ARL15: variants seen among roughly 807,000 people sequenced by gnomAD.
ARL15 encodes the protein ADP-ribosylation factor-like protein 15.
ARL15 carries 19 observed loss-of-function variants against 25.2 expected under a neutral mutation model. The observed-to-expected ratio is 0.75, with a 90% confidence interval of 0.53 to 1.10. ARL15 has a LOEUF of 1.10. Ranked by LOEUF, ARL15 falls within the 50% of genes least tolerant of loss-of-function variation. The pLI is 0.00. For missense variants in ARL15, 220 were observed against 246.0 expected (o/e 0.89, Z 0.71); for synonymous variants, 94 against 86.8 (o/e 1.08, Z -0.46).
intron 3 of ARL15, among the ~76,000 whole-genome samples, chr5:54,139,613 TA>T (rs1362086003): frequency 2.0e-5 from 3 of 152,116 alleles, no homozygotes; most frequent in Non-Finnish European, 4.4e-5. Context: ...ACTTCACTAG[TA>T]AACAATTCAT....
intron 4 of ARL15, among the ~76,000 whole-genome samples, chr5:53,961,716 T>C (rs1377091817): frequency 6.6e-6 from 1 of 152,076 alleles, no homozygotes; most frequent in East Asian, 1.9e-4. Context: ...AAACATAAAT[T>C]AATTATTCTT....
At chr5:54,231,968 G>T (rs1756684089) in intron 1 of ARL15, among the ~76,000 whole-genome samples, 1 of 152,140 alleles carries the variant, frequency 6.6e-6, no homozygotes, top group South Asian at 2.1e-4. Flanking sequence ...CCAATCTCAA[G>T]TGAAGGCCTG....
At chr5:54,256,475 G>A (rs1487590838) in intron 1 of ARL15, among the ~76,000 whole-genome samples, 5 of 143,468 alleles carry the variant, frequency 3.5e-5, no homozygotes, top group Admixed American at 6.9e-5. Context: ...ATTCACAGCC[G>A]AATTCTACCA....
At chr5:54,210,244 A>T (rs1248755818) in intron 1 of ARL15, among the ~76,000 whole-genome samples, 1 of 152,222 alleles carries the variant, frequency 6.6e-6, no homozygotes, top group Admixed American at 6.5e-5. Context: ...TGACACAGGC[A>T]TCATTACCAT....
chr5:54,078,907 G>A (rs907120497), intron 4 of ARL15, among the ~76,000 whole-genome samples: 12 of 151,888 alleles, frequency 7.9e-5, no homozygotes, highest in Admixed American at 5.9e-4. Flanking sequence ...GTAAAGTATC[G>A]CTTAACTAAA....
intron 4 of ARL15, among the ~76,000 whole-genome samples, chr5:54,051,068 G>A (rs968174339): frequency 1.3e-5 from 2 of 152,148 alleles, no homozygotes; most frequent in Non-Finnish European, 2.9e-5. Flanking sequence ...GCACAGAATA[G>A]GCACTTGATA....
At chr5:54,286,521 G>A (rs1395965665) in intron 1 of ARL15, among the ~76,000 whole-genome samples, 1 of 152,198 alleles carries the variant, frequency 6.6e-6, no homozygotes, top group Non-Finnish European at 1.5e-5. Context: ...GAAATAACCT[G>A]AGATTTGAAA....
intron 3 of ARL15, among the ~76,000 whole-genome samples, chr5:54,126,023 G>A (rs1031629868): frequency 2.0e-5 from 3 of 152,094 alleles, no homozygotes; most frequent in Admixed American, 2.0e-4. Flanking sequence ...GTGCTGTACT[G>A]CAGAGATTTT....
chr5:54,113,458 C>T (rs1317907569), intron 3 of ARL15, 48 bp from the exon 4 acceptor site: 1 of 1,563,018 alleles, frequency 6.4e-7, no homozygotes, highest in East Asian at 2.2e-5. Context: ...CTTTCAGCAA[C>T]TGAAAAATGT....
intron 4 of ARL15, among the ~76,000 whole-genome samples, chr5:54,027,827 G>T (rs150593560): frequency 6.6e-6 from 1 of 152,000 alleles, no homozygotes; most frequent in Admixed American, 6.6e-5. Context: ...TGTATTTTGC[G>T]CTGAACATTC....
At chr5:54,172,605 G>C (rs907604578) in intron 1 of ARL15, among the ~76,000 whole-genome samples, 1 of 152,130 alleles carries the variant, frequency 6.6e-6, no homozygotes, top group African/African-American at 2.4e-5. Context: ...TAAGTATTTA[G>C]AGGTGAAGGG....
intron 1 of ARL15, among the ~76,000 whole-genome samples, chr5:54,188,937 T>G (rs1755317838): frequency 6.6e-6 from 1 of 152,208 alleles, no homozygotes; most frequent in African/African-American, 2.4e-5. Context: ...ACCATTTTTT[T>G]TGTGCAATCT....
At chr5:54,105,212 G>C (rs1752552590) in intron 4 of ARL15, among the ~76,000 whole-genome samples, 1 of 151,712 alleles carries the variant, frequency 6.6e-6, no homozygotes, top group South Asian at 2.1e-4. Context: ...GTTCTCTTTT[G>C]CAAATAAAAA....
At chr5:54,039,800 T>TG (rs1491533710) in intron 4 of ARL15, among the ~76,000 whole-genome samples, 1 of 52,554 alleles carries the variant, frequency 1.9e-5, no homozygotes, top group South Asian at 1.1e-3. Flanking sequence ...AGACTCTGTC[T>TG]AAAAAAAAAA....
chr5:54,074,988 A>T lies in ARL15; in HGVS notation c.462+38214T>A, dbSNP rs1370016407. ...AATTTTATATCCCCACAAGACACAAAAACTCTAGAAATATAAATTAAGAGA... is the reference window on the plus strand; with the variant it reads ...AATTTTATATCCCCACAAGACACAATAACTCTAGAAATATAAATTAAGAGA... On this transcript the variant is annotated intron_variant, in intron 4 of 4. Transcript: ENST00000504924. Among the ~76,000 whole-genome samples, 3 of 150,536 alleles carry T rather than the reference A, an allele frequency of 2.0e-5. No homozygotes were observed. In the Admixed American group the frequency reaches 2.0e-4, roughly 10 times the overall value.
intron 4 of ARL15, among the ~76,000 whole-genome samples, chr5:53,974,858 G>C (rs1295026965): frequency 1.3e-5 from 2 of 152,192 alleles, no homozygotes; most frequent in Non-Finnish European, 2.9e-5. Flanking sequence ...ACCTAGGAGA[G>C]AAAACTGATC....
chr5:54,243,401 C>T (rs2112580923), intron 1 of ARL15, among the ~76,000 whole-genome samples: 1 of 152,320 alleles, frequency 6.6e-6, no homozygotes, highest in South Asian at 2.1e-4. Context: ...GTATTCTCCT[C>T]ATAAGCACAG....
At chr5:53,970,657 G>A (rs6890583) in intron 4 of ARL15, among the ~76,000 whole-genome samples, 4,358 of 152,288 alleles carry the variant, frequency 0.029, 233 homozygotes, top group African/African-American at 0.097. Flanking sequence ...ACAACTCAAC[G>A]CAACAGATGA....
chr5:54,006,484 A>C (rs1419061201), intron 4 of ARL15, among the ~76,000 whole-genome samples: 1 of 151,650 alleles, frequency 6.6e-6, no homozygotes, highest in African/African-American at 2.4e-5. Flanking sequence ...TTTTTTTTTA[A>C]CATGAAATCC....
Sources: gnomAD v4.1 joint callset for allele counts (sites outside exome capture counted in the v4.1 genomes callset) on GRCh38, gnomAD v4.1.1 for gene constraint, MANE v1.5 for transcripts, NCBI Gene and HGNC (gene_info 2026-07-23, HGNC 2026-07-21) for gene names.